The following MTUS2 variants were observed in gnomAD, a reference collection of about 807,000 sequenced individuals.
MTUS2 encodes the protein microtubule-associated tumor suppressor candidate 2.
MTUS2 carries 40 observed loss-of-function variants against 114.1 expected under a neutral mutation model. That is an observed-to-expected ratio of 0.35 (90% CI 0.27 to 0.46). The LOEUF (loss-of-function observed/expected upper bound fraction) is 0.46, where lower values mean the gene tolerates loss of function less well. MTUS2 is among the 20% of genes least tolerant of loss of function. The pLI is 1.00. For synonymous variants in MTUS2, 688 were observed against 672.0 expected (o/e 1.02, Z -0.37); for missense variants, 1,679 against 1,705.4 (o/e 0.98, Z 0.27).
At chr13:29,169,735 A>G (rs963443238) in intron 5 of MTUS2, among the ~76,000 whole-genome samples, 1 of 152,176 alleles carries the variant, frequency 6.6e-6, no homozygotes, top group African/African-American at 2.4e-5. Flanking sequence ...ATGAGCGCTT[A>G]AGGATTTTTC....
chr13:29,197,760 C>T (rs1189017477), intron 5 of MTUS2, among the ~76,000 whole-genome samples: 6 of 152,082 alleles, frequency 3.9e-5, no homozygotes, highest in East Asian at 1.9e-4. Context: ...TTCCAACTGG[C>T]GTGAGATGGT....
At chr13:29,233,338 C>T (rs1333747805) in intron 5 of MTUS2, among the ~76,000 whole-genome samples, 1 of 152,034 alleles carries the variant, frequency 6.6e-6, no homozygotes, top group Non-Finnish European at 1.5e-5. Flanking sequence ...TGAGAACAGA[C>T]TTGTGATATC....
intron 5 of MTUS2, among the ~76,000 whole-genome samples, chr13:29,196,323 C>T (rs1487174758): frequency 3.9e-5 from 6 of 152,036 alleles, no homozygotes; most frequent in Non-Finnish European, 8.8e-5. Context: ...GTCTCGAACT[C>T]CTGACCTCAG....
intron 5 of MTUS2, among the ~76,000 whole-genome samples, chr13:29,202,907 A>G (rs371247475): frequency 1.9e-3 from 290 of 152,284 alleles, no homozygotes; most frequent in African/African-American, 6.7e-3. Flanking sequence ...CACCTGCCAG[A>G]TGCCAGCCGG....
chr13:29,398,817 C>T (rs1015741026), intron 8 of MTUS2, among the ~76,000 whole-genome samples: 2 of 152,118 alleles, frequency 1.3e-5, no homozygotes, highest in African/African-American at 4.8e-5. Context: ...GAGACAACAA[C>T]AGAACCACAT....
rs369289077 is a variant in MTUS2, at chr13:28,840,030, AT to A, written c.-243+193del. On this transcript the variant is annotated intron_variant, in intron 2 of 15. Coordinates refer to ENST00000612955, the MANE Select transcript of MTUS2 (RefSeq NM_001033602.4). ...TGAAAATAAATTATATGAAAGCTTA[AT>A]TTTTTTTTTTTTAAAGCTGTGAGGA... Among the ~76,000 whole-genome samples, 347 of 147,000 alleles carry A rather than the reference AT, an allele frequency of 2.4e-3. 3 individuals are homozygous for A. The highest frequency in any genetic ancestry group is 0.014 in the Middle Eastern group (4 of 280).
intron 5 of MTUS2, among the ~76,000 whole-genome samples, chr13:29,211,182 C>G (rs1477253896): frequency 2.0e-5 from 3 of 152,012 alleles, no homozygotes; most frequent in Non-Finnish European, 4.4e-5. Flanking sequence ...GGTTCTCAGG[C>G]CAATGGAGTT....
intron 5 of MTUS2, among the ~76,000 whole-genome samples, chr13:29,268,944 C>T (rs1230097818): frequency 6.6e-6 from 1 of 152,068 alleles, no homozygotes; most frequent in Non-Finnish European, 1.5e-5. Flanking sequence ...GTTTCCCAGG[C>T]TGGTCTCAAA....
intron 5 of MTUS2, among the ~76,000 whole-genome samples, chr13:29,203,248 G>A (rs999361668): frequency 1.3e-5 from 2 of 152,194 alleles, no homozygotes; most frequent in East Asian, 1.9e-4. Flanking sequence ...TGGCTATGGC[G>A]GCTTTGTGGC....
At chr13:29,162,949 G>A (rs1397803385) in intron 5 of MTUS2, among the ~76,000 whole-genome samples, 1 of 152,148 alleles carries the variant, frequency 6.6e-6, no homozygotes. Context: ...TGAAGGTCAG[G>A]AGAAAATTAA....
intron 2 of MTUS2, among the ~76,000 whole-genome samples, chr13:28,908,668 G>T (rs1880207336): frequency 6.6e-6 from 1 of 151,480 alleles, no homozygotes; most frequent in Non-Finnish European, 1.5e-5. Flanking sequence ...GTAATGGGAT[G>T]GCTGGGTCAA....
intron 5 of MTUS2, among the ~76,000 whole-genome samples, chr13:29,265,013 G>A (rs762982111): frequency 6.6e-6 from 1 of 152,228 alleles, no homozygotes; most frequent in South Asian, 2.1e-4. Flanking sequence ...TGACCAGGCT[G>A]CAAATTTTCC....
rs1886934982 is a variant in MTUS2 at position 29,033,777 on chromosome 13, T to A, written c.2206-108T>A. 10 of 1,365,384 alleles carry A rather than the reference T, an allele frequency of 7.3e-6. No homozygotes were observed. In the South Asian group the frequency reaches 1.4e-4, roughly 19 times the overall value. The allele number at this position is 1,365,384 out of a possible 1,614,324, so 84.6% of individuals were successfully genotyped here. A position where few individuals can be genotyped will look rare whatever the true frequency, so the allele number is the denominator to read the frequency against. On this transcript the variant is annotated intron_variant, in intron 3 of 15. Transcript: ENST00000612955. ...GGTAGGGGACTTGTGATCAAGCAGC[T>A]AAGTGGTACCAGAGTGGTCATTGGT...
intron 8 of MTUS2, among the ~76,000 whole-genome samples, chr13:29,361,460 T>G (rs559806456): frequency 1.3e-5 from 2 of 150,252 alleles, no homozygotes; most frequent in South Asian, 4.2e-4. Flanking sequence ...AGATAAAATG[T>G]TTTTTTTTTA....
intron 9 of MTUS2, among the ~76,000 whole-genome samples, chr13:29,469,854 AAAG>A: frequency 6.6e-6 from 1 of 152,034 alleles, no homozygotes; most frequent in East Asian, 1.9e-4. Flanking sequence ...TTTAAAAAAA[AAAG>A]AAAGAAGGGG....
At chr13:29,257,651 TAGAA>T (rs1171707926) in intron 5 of MTUS2, among the ~76,000 whole-genome samples, 2 of 152,142 alleles carry the variant, frequency 1.3e-5, no homozygotes, top group African/African-American at 2.4e-5. Context: ...ATTTATATCT[TAGAA>T]AGAGGAGGTT....
intron 4 of MTUS2, among the ~76,000 whole-genome samples, chr13:29,083,185 C>T (rs1183088420): frequency 1.3e-5 from 2 of 152,144 alleles, no homozygotes; most frequent in Non-Finnish European, 2.9e-5. Flanking sequence ...AGCATGGTGG[C>T]AAGACGTTGT....
chr13:29,343,091 G>A (rs1901481882), intron 7 of MTUS2, among the ~76,000 whole-genome samples: 1 of 152,022 alleles, frequency 6.6e-6, no homozygotes, highest in South Asian at 2.1e-4. Context: ...TTACATCTGT[G>A]TTCGTCAGGG....
At chr13:29,030,857 C>T (rs1044196811) in intron 3 of MTUS2, among the ~76,000 whole-genome samples, 2 of 152,112 alleles carry the variant, frequency 1.3e-5, no homozygotes, top group Admixed American at 6.5e-5. Context: ...CAAGAGTAAG[C>T]ACTCTTCTGA....
Sources: allele counts gnomAD v4.1 joint callset (sites outside exome capture counted in the v4.1 genomes callset), GRCh38; gene constraint gnomAD v4.1.1; transcripts MANE v1.5; gene names NCBI Gene and HGNC (gene_info 2026-07-23, HGNC 2026-07-21).